Variants in ANKS1B observed in about 807,000 individuals in gnomAD.
ANKS1B encodes ankyrin repeat and sterile alpha motif domain containing 1B.
Under a neutral mutation model 148.3 loss-of-function variants are expected in ANKS1B, and 36 were observed. The observed-to-expected ratio is 0.24, with a 90% CI of 0.19 to 0.32. The LOEUF (loss-of-function observed/expected upper bound fraction) is 0.32. ANKS1B is among the 10% of genes least tolerant of loss of function. The pLI, the probability that ANKS1B is intolerant of heterozygous loss-of-function variation, is 1.00. For synonymous variants in ANKS1B, 542 were observed against 560.8 expected (o/e 0.97, Z 0.47); for missense variants, 1,157 against 1,542.6 (o/e 0.75, Z 4.19).
At chr12:99,850,808 T>C (rs953104567) in intron 1 of ANKS1B, among the ~76,000 whole-genome samples, 3 of 152,102 alleles carry the variant, frequency 2.0e-5, no homozygotes, top group South Asian at 4.1e-4. Flanking sequence ...TCTCAGCTAG[T>C]TCAGTATACT....
chr12:99,835,957 T>C (rs998755018), intron 1 of ANKS1B, among the ~76,000 whole-genome samples: 3 of 152,090 alleles, frequency 2.0e-5, no homozygotes, highest in African/African-American at 7.2e-5. Flanking sequence ...TGATGAAAAA[T>C]AAATAATAAA....
At chr12:98,899,074 C>T (rs1322593585) in intron 17 of ANKS1B, among the ~76,000 whole-genome samples, 1 of 152,002 alleles carries the variant, frequency 6.6e-6, no homozygotes, top group Non-Finnish European at 1.5e-5. Context: ...TATGTAAGGC[C>T]CTTTGTAAGA....
chr12:99,161,466 T>C (rs897526826), intron 14 of ANKS1B, among the ~76,000 whole-genome samples: 6 of 151,998 alleles, frequency 3.9e-5, no homozygotes, highest in Non-Finnish European at 7.4e-5. Flanking sequence ...TGAGCTATGA[T>C]TGCACCACTG....
At position 98,795,068 on chromosome 12, in the gene ANKS1B, A is replaced by G. The variant is rs2098935750; in HGVS notation, c.3342+3866T>C. On this transcript the variant is annotated intron_variant, in intron 22 of 26. Transcript: ENST00000683438. ...GCTTATTTTTTACATAAGGCCACTTAAATGAAAAATGATTAAAATATATTT... is the reference window on the plus strand; with the variant it reads ...GCTTATTTTTTACATAAGGCCACTTGAATGAAAAATGATTAAAATATATTT... 3.5e-5 allele frequency: 21 copies of G among 607,038 alleles called. No homozygotes were observed. In the South Asian group the frequency reaches 3.8e-4, roughly 11 times the overall value. The allele number at this position is 607,038 out of a possible 1,614,324, so 37.6% of individuals were successfully genotyped here. A position where few individuals can be genotyped will look rare whatever the true frequency, so the allele number is the denominator to read the frequency against.
chr12:99,017,937 T>C (rs916883311), intron 17 of ANKS1B, among the ~76,000 whole-genome samples: 6 of 152,120 alleles, frequency 3.9e-5, no homozygotes, highest in Admixed American at 3.9e-4. Flanking sequence ...CTCCCCACCT[T>C]TTTTAAAGGA....
Position 98,766,236 on chromosome 12 carries a change from A to G in ANKS1B, c.3579+6806T>C, listed in dbSNP as rs61933568. Among the ~76,000 whole-genome samples, 1,440 of 152,322 alleles carry G rather than the reference A, an allele frequency of 9.5e-3. 8 individuals are homozygous for G. Among genetic ancestry groups the G allele is most frequent in the South Asian group, 0.016 (77 of 4,832 alleles). On this transcript the variant is annotated intron_variant, in intron 25 of 26. Transcript: ENST00000683438. ...TTATGCCAATGGAGAGGAGATCTGGATAAATGAAACCCAGCACTGTTAATT... is the reference window on the plus strand; with the variant it reads ...TTATGCCAATGGAGAGGAGATCTGGGTAAATGAAACCCAGCACTGTTAATT...
At chr12:98,971,415 T>C (rs1388046146) in intron 17 of ANKS1B, among the ~76,000 whole-genome samples, 1 of 152,238 alleles carries the variant, frequency 6.6e-6, no homozygotes, top group Admixed American at 6.5e-5. Context: ...AAGGCCACTT[T>C]AGAAATTCCT....
At chr12:99,319,793 T>A (rs1484431850) in intron 12 of ANKS1B, among the ~76,000 whole-genome samples, 1 of 152,242 alleles carries the variant, frequency 6.6e-6, no homozygotes, top group Non-Finnish European at 1.5e-5. Flanking sequence ...GCATCGATGG[T>A]CTTTACAATT....
At chr12:99,799,394 ACCTCTCT>A (rs1199928954) in intron 4 of ANKS1B, among the ~76,000 whole-genome samples, 1 of 151,984 alleles carries the variant, frequency 6.6e-6, no homozygotes, top group Non-Finnish European at 1.5e-5. Context: ...CCAAAGAGAG[ACCTCTCT>A]GACCCTTCCG....
chr12:99,905,068 G>T (rs559335149), intron 1 of ANKS1B, among the ~76,000 whole-genome samples: 1 of 152,250 alleles, frequency 6.6e-6, no homozygotes, highest in South Asian at 2.1e-4. Flanking sequence ...AGAAGTAGTG[G>T]GAGATAATAA....
chr12:99,744,866 C>A (rs2060440562), intron 8 of ANKS1B, among the ~76,000 whole-genome samples: 3 of 151,808 alleles, frequency 2.0e-5, no homozygotes, highest in Admixed American at 1.3e-4. Context: ...GTGGCACATG[C>A]CTGTAATCCC....
intron 15 of ANKS1B, chr12:99,105,041 C>G (rs2058831934): frequency 6.6e-6 from 1 of 152,190 alleles, no homozygotes; most frequent in African/African-American, 2.4e-5. Flanking sequence ...ATTTGTAAAT[C>G]TGAACATTTT....
At chr12:99,871,682 G>A (rs762688235) in intron 1 of ANKS1B, among the ~76,000 whole-genome samples, 4 of 152,040 alleles carry the variant, frequency 2.6e-5, no homozygotes, top group Admixed American at 6.6e-5. Context: ...GCTATTGTAA[G>A]TGAAATTGTG....
chr12:99,854,460 T>A (rs1440562170), intron 1 of ANKS1B, among the ~76,000 whole-genome samples: 1 of 152,154 alleles, frequency 6.6e-6, no homozygotes, highest in African/African-American at 2.4e-5. Flanking sequence ...ATCTAAAAGT[T>A]TGGAAAACAT....
At chr12:99,864,788 C>T (rs2090515379) in intron 1 of ANKS1B, among the ~76,000 whole-genome samples, 1 of 152,192 alleles carries the variant, frequency 6.6e-6, no homozygotes, top group South Asian at 2.1e-4. Context: ...ATGGTGTCTT[C>T]CATTTAGGTA....
In ANKS1B at chr12:99,957,078, C is replaced by T. The variant is rs191578532; in HGVS notation, c.134+27026G>A. Among the ~76,000 whole-genome samples, 12 of 152,252 alleles carry T rather than the reference C, an allele frequency of 7.9e-5. No homozygotes were observed. The East Asian group carries it at 1.7e-3, about 22-fold the overall frequency. On this transcript the variant is annotated intron_variant, in intron 1 of 26. Transcript: ENST00000683438. ...GTTCAACCTCTTCTAGGCTGAAGTA[C>T]GTGAGACTTTAACCAAATGCAATTG...
chr12:99,146,464 G>C (rs1043065374), intron 15 of ANKS1B, among the ~76,000 whole-genome samples: 2 of 152,098 alleles, frequency 1.3e-5, no homozygotes, highest in African/African-American at 4.8e-5. Context: ...GGAAGAAAAA[G>C]GAATTCCAAA....
At chr12:98,961,015 GA>G (rs2099870456) in intron 17 of ANKS1B, among the ~76,000 whole-genome samples, 2 of 152,280 alleles carry the variant, frequency 1.3e-5, no homozygotes, top group African/African-American at 4.8e-5. Context: ...CCAAGATGTG[GA>G]AAATATCCTC....
chr12:98,976,123 T>G (rs1476906580), intron 17 of ANKS1B, among the ~76,000 whole-genome samples: 2 of 152,252 alleles, frequency 1.3e-5, no homozygotes, highest in Non-Finnish European at 2.9e-5. Context: ...ACATGCTCCA[T>G]GTACCTGAGA....
Sources: allele counts gnomAD v4.1 joint callset (sites outside exome capture counted in the v4.1 genomes callset), GRCh38; gene constraint gnomAD v4.1.1; transcripts MANE v1.5; gene names NCBI Gene and HGNC (gene_info 2026-07-23, HGNC 2026-07-21).